Variants in FILIP1L observed in about 807,000 individuals in gnomAD.
FILIP1L encodes filamin A interacting protein 1 like.
Under a neutral mutation model 96.6 loss-of-function variants are expected in FILIP1L, and 55 were observed. The ratio of observed to expected loss-of-function variants is 0.57; its 90% CI spans 0.46 to 0.71. The LOEUF (loss-of-function observed/expected upper bound fraction) is 0.71. Ranked by LOEUF, FILIP1L falls within the 30% of genes least tolerant of loss-of-function variation. The probability of loss-of-function intolerance (pLI) is 0.00; values close to 1 mark genes in which losing one functional copy is unlikely to be tolerated. For synonymous variants in FILIP1L, 467 were observed against 473.9 expected (o/e 0.99, Z 0.19); for missense variants, 1,304 against 1,321.2 (o/e 0.99, Z 0.20).
At chr3:100,058,966 G>A (rs886920990) in intron 1 of FILIP1L, among the ~76,000 whole-genome samples, 3 of 152,216 alleles carry the variant, frequency 2.0e-5, no homozygotes, top group African/African-American at 7.2e-5. Context: ...TTTGGTGCAA[G>A]TTCAGGAAAA....
intron 1 of FILIP1L, among the ~76,000 whole-genome samples, chr3:100,113,845 A>T (rs2066530332): frequency 6.6e-6 from 1 of 152,206 alleles, no homozygotes; most frequent in Admixed American, 6.5e-5. Context: ...ACCTACTGTC[A>T]GGATAGTTCC....
intron 1 of FILIP1L, among the ~76,000 whole-genome samples, chr3:100,007,318 T>G (rs902453838): frequency 6.6e-6 from 1 of 152,218 alleles, no homozygotes; most frequent in Admixed American, 6.5e-5. Flanking sequence ...TTTATTTGAC[T>G]AGAAAACTAG....
chr3:100,054,490 TTGTTATGTTATGTTATGTTA>T lies in FILIP1L; in HGVS notation c.-11+59543_-11+59562del, dbSNP rs10668094. Among the ~76,000 whole-genome samples, 707 of 146,184 alleles carry T rather than the reference TTGTTATGTTATGTTATGTTA, an allele frequency of 4.8e-3. 4 individuals are homozygous for T. Among genetic ancestry groups the T allele is most frequent in the Non-Finnish European group, 6.2e-3 (416 of 66,784 alleles). On this transcript the variant is annotated intron_variant, in intron 1 of 5. Transcript: ENST00000477258. Reference sequence around the variant, plus strand: ...TTCGTTCATTATATTATGTTATGTTTTGTTATGTTATGTTATGTTATGTTATGTTATGTTATGTTATGTTA... The same window carrying T: ...TTCGTTCATTATATTATGTTATGTTTTGTTATGTTATGTTATGTTATGTTA...
At chr3:99,930,690 T>G in intron 2 of FILIP1L, 79 bp downstream of exon 2, 1 of 1,449,044 alleles carries the variant, frequency 6.9e-7, no homozygotes, top group Non-Finnish European at 9.6e-7. Context: ...AGATATCTAT[T>G]TCTGTGGCAG....
chr3:99,939,677 A>G (rs1482501258), intron 1 of FILIP1L, among the ~76,000 whole-genome samples: 1 of 152,200 alleles, frequency 6.6e-6, no homozygotes, highest in Non-Finnish European at 1.5e-5. Context: ...AAAATTTGAT[A>G]GTAGGTGTTT....
At chr3:99,911,370 G>T (rs1207046836) in intron 4 of FILIP1L, among the ~76,000 whole-genome samples, 1 of 150,432 alleles carries the variant, frequency 6.6e-6, no homozygotes. Context: ...TATTATTATT[G>T]TTAAGTTGTT....
intron 1 of FILIP1L, among the ~76,000 whole-genome samples, chr3:99,989,043 C>A (rs1234095754): frequency 6.6e-6 from 1 of 152,182 alleles, no homozygotes; most frequent in East Asian, 1.9e-4. Flanking sequence ...TTTTTCTCAA[C>A]AAATTCTTCC....
chr3:100,080,023 G>A lies in FILIP1L; in HGVS notation c.-11+34030C>T, dbSNP rs1312912569. Among the ~76,000 whole-genome samples the A allele has an allele frequency of 2.0e-5, 3 of 152,242 alleles. No homozygotes were observed. The East Asian group carries it at 5.8e-4, about 29-fold the overall frequency. ...AAGCAACTCAGAATTCACCATATGA[G>A]AAATTAAATGCTTCACAAAATTAAC... is the stretch of plus-strand genomic sequence containing the variant. On this transcript the variant is annotated intron_variant, in intron 1 of 5. Transcript: ENST00000477258.
intron 1 of FILIP1L, among the ~76,000 whole-genome samples, chr3:100,028,176 T>C (rs2064961583): frequency 6.6e-6 from 1 of 152,210 alleles, no homozygotes; most frequent in Non-Finnish European, 1.5e-5. Context: ...AGTTAATTCT[T>C]ACATCATTCC....
At chr3:99,835,879 A>G (rs1276852440) in intron 5 of FILIP1L, among the ~76,000 whole-genome samples, 1 of 152,212 alleles carries the variant, frequency 6.6e-6, no homozygotes, top group African/African-American at 2.4e-5. Context: ...GTAGGATTTT[A>G]GTATGAGGAA....
intron 1 of FILIP1L, among the ~76,000 whole-genome samples, chr3:99,995,958 G>A (rs1709666582): frequency 6.6e-6 from 1 of 152,178 alleles, no homozygotes; most frequent in Non-Finnish European, 1.5e-5. Flanking sequence ...GACATGCCCT[G>A]GAGACATTTT....
chr3:99,842,964 C>T (rs1243209549), intron 5 of FILIP1L, among the ~76,000 whole-genome samples: 1 of 152,120 alleles, frequency 6.6e-6, no homozygotes, highest in South Asian at 2.1e-4. Context: ...ATATTGACTG[C>T]CCAAAAGCCT....
At chr3:99,909,269 G>A (rs1295144803) in intron 4 of FILIP1L, among the ~76,000 whole-genome samples, 3 of 152,156 alleles carry the variant, frequency 2.0e-5, no homozygotes. Context: ...ATGGAGCAGA[G>A]GTACTCTGAG....
chr3:100,002,521 C>T (rs1008499346), intron 1 of FILIP1L, among the ~76,000 whole-genome samples: 3 of 152,112 alleles, frequency 2.0e-5, no homozygotes, highest in African/African-American at 7.2e-5. Context: ...CTAGTAATTC[C>T]GAGTAGGATG....
At chr3:99,836,774 T>G (rs530639280) in intron 5 of FILIP1L, among the ~76,000 whole-genome samples, 10 of 152,350 alleles carry the variant, frequency 6.6e-5, no homozygotes, top group African/African-American at 2.2e-4. Context: ...AGGGAGTGAT[T>G]GGCTTGCTAG....
At chr3:99,843,648 C>G (rs1485370843) in intron 5 of FILIP1L, among the ~76,000 whole-genome samples, 1 of 152,122 alleles carries the variant, frequency 6.6e-6, no homozygotes, top group Non-Finnish European at 1.5e-5. Flanking sequence ...CCTAGCCCAC[C>G]TTAAACATGC....
In FILIP1L at chr3:99,998,100, C is replaced by T. The variant is rs114505604; in HGVS notation, c.-10-67070G>A. On this transcript the variant is annotated intron_variant, in intron 1 of 5. Transcript: ENST00000477258. ...GTGAGTTAAAACCAGTTAACTGGTG[C>T]GGAAATTCAGAATCATAGTGTACTA... Among the ~76,000 whole-genome samples, 676 of 152,194 alleles carry T rather than the reference C, an allele frequency of 4.4e-3. 4 individuals carry two copies. The highest frequency in any genetic ancestry group is 0.015 in the African/African-American group (621 of 41,526).
intron 1 of FILIP1L, among the ~76,000 whole-genome samples, chr3:99,961,287 A>ATTTTG (rs1043331682): frequency 6.6e-6 from 1 of 152,016 alleles, no homozygotes; most frequent in Admixed American, 6.6e-5. Flanking sequence ...GGGTTGGATT[A>ATTTTG]TTTTGTTTTG....
chr3:100,111,338 TA>T (rs2066487579), intron 1 of FILIP1L, among the ~76,000 whole-genome samples: 1 of 152,194 alleles, frequency 6.6e-6, no homozygotes, highest in Non-Finnish European at 1.5e-5. Flanking sequence ...TCTAGAACTT[TA>T]TTTAAGAGAT....
Sources: allele counts gnomAD v4.1 joint callset (sites outside exome capture counted in the v4.1 genomes callset), GRCh38; gene constraint gnomAD v4.1.1; transcripts MANE v1.5; gene names NCBI Gene and HGNC (gene_info 2026-07-23, HGNC 2026-07-21).